IL1RAPL1: variants seen among roughly 807,000 people sequenced by gnomAD.
The protein encoded by IL1RAPL1 is interleukin 1 receptor accessory protein like 1, also known as interleukin-1 receptor accessory protein-like 1.
A neutral mutation model predicts 48.4 loss-of-function variants in IL1RAPL1; 3 were observed. The ratio of observed to expected loss-of-function variants is 0.06; its 90% CI spans 0.03 to 0.16. IL1RAPL1 has a LOEUF of 0.16. Ranked by LOEUF, IL1RAPL1 falls within the 10% of genes least tolerant of loss-of-function variation. The probability of loss-of-function intolerance (pLI) is 1.00; values close to 1 mark genes in which losing one functional copy is unlikely to be tolerated. For missense variants in IL1RAPL1, 349 were observed against 530.6 expected, an observed-to-expected ratio of 0.66 and a Z score of 3.36; for synonymous variants, 185 against 187.7, an observed-to-expected ratio of 0.99 and a Z score of 0.12.
intron 6 of IL1RAPL1, among the ~76,000 whole-genome samples, chrX:29,705,473 C>T (rs945996620): frequency 2.5e-4 from 28 of 112,432 alleles, no homozygotes; most frequent in Middle Eastern, 4.2e-3. Flanking sequence ...CCTTGGCCTC[C>T]CAAAGTGTTG....
chrX:29,581,927 AAG>A (rs1455462298), intron 5 of IL1RAPL1, among the ~76,000 whole-genome samples: 1 of 111,462 alleles, frequency 9.0e-6, no homozygotes, highest in Non-Finnish European at 1.9e-5. Context: ...TGATATTTTT[AAG>A]AGTTTCAAGC....
intron 3 of IL1RAPL1, among the ~76,000 whole-genome samples, chrX:29,334,034 C>T (rs972143537): frequency 1.1e-5 from 1 of 90,835 alleles, no homozygotes; most frequent in Non-Finnish European, 2.3e-5. Flanking sequence ...CTGATCCCCC[C>T]ACCTCCCTCC....
chrX:29,512,505 G>A (rs887489863), intron 5 of IL1RAPL1, among the ~76,000 whole-genome samples: 2 of 97,147 alleles, frequency 2.1e-5, no homozygotes, highest in African/African-American at 7.3e-5. Flanking sequence ...TCTATAATTT[G>A]TATGTCAAAT....
At chrX:29,324,473 G>C (rs1418944498) in intron 3 of IL1RAPL1, among the ~76,000 whole-genome samples, 1 of 111,630 alleles carries the variant, frequency 9.0e-6, no homozygotes, top group African/African-American at 3.3e-5. Flanking sequence ...TGTCTGTCCA[G>C]ATTCTTCTTG....
intron 6 of IL1RAPL1, among the ~76,000 whole-genome samples, chrX:29,887,294 G>C (rs1004349908): frequency 8.9e-6 from 1 of 112,189 alleles, no homozygotes; most frequent in Non-Finnish European, 1.9e-5. Flanking sequence ...TTGTTCAACT[G>C]TTTTGTATAG....
At chrX:29,653,922 T>C (rs1925594472) in intron 5 of IL1RAPL1, among the ~76,000 whole-genome samples, 1 of 106,828 alleles carries the variant, frequency 9.4e-6, no homozygotes, top group Admixed American at 1.0e-4. Flanking sequence ...ATTTATTTAT[T>C]TATTTATTTA....
chrX:28,715,711 T>C (rs1345493338), intron 1 of IL1RAPL1, among the ~76,000 whole-genome samples: 1 of 110,917 alleles, frequency 9.0e-6, no homozygotes, highest in Non-Finnish European at 1.9e-5. Context: ...TCAAAAAAAG[T>C]CCAGGACCAG....
chrX:29,073,525 TTTC>T (rs1169894410), intron 2 of IL1RAPL1, among the ~76,000 whole-genome samples: 1 of 111,640 alleles, frequency 9.0e-6, no homozygotes, highest in African/African-American at 3.3e-5. Context: ...CTAAGACTCT[TTTC>T]TTCTTATTAT....
At chrX:28,646,546 C>T (rs955753578) in intron 1 of IL1RAPL1, among the ~76,000 whole-genome samples, 2 of 112,257 alleles carry the variant, frequency 1.8e-5, no homozygotes, top group South Asian at 3.6e-4. Flanking sequence ...AAAAAAATTC[C>T]AGTTGTAGAT....
chrX:29,536,636 T>C (rs1003598583), intron 5 of IL1RAPL1, among the ~76,000 whole-genome samples: 1 of 111,280 alleles, frequency 9.0e-6, no homozygotes, highest in Non-Finnish European at 1.9e-5. Flanking sequence ...TTTTCTTAAA[T>C]AAATACTTTT....
At chrX:28,784,820 C>T (rs1936458917) in intron 1 of IL1RAPL1, among the ~76,000 whole-genome samples, 1 of 111,015 alleles carries the variant, frequency 9.0e-6, no homozygotes, top group African/African-American at 3.3e-5. Context: ...TAAAAGGAGT[C>T]TCAACTTCCC....
intron 2 of IL1RAPL1, among the ~76,000 whole-genome samples, chrX:29,130,105 G>A (rs908587865): frequency 4.5e-5 from 5 of 111,429 alleles, no homozygotes; most frequent in African/African-American, 1.6e-4. Flanking sequence ...GTATTCTTAC[G>A]AGGGATGATA....
At chrX:29,802,805 A>G (rs1470563461) in intron 6 of IL1RAPL1, among the ~76,000 whole-genome samples, 23 of 58,466 alleles carry the variant, frequency 3.9e-4, no homozygotes, top group African/African-American at 2.1e-3. Context: ...ATATATATAT[A>G]TATATGTGTG....
At chrX:28,809,693 A>G (rs781436653) in intron 2 of IL1RAPL1, among the ~76,000 whole-genome samples, 18 of 110,446 alleles carry the variant, frequency 1.6e-4, no homozygotes, top group Non-Finnish European at 3.1e-4. Context: ...CCCTTAGGTC[A>G]TGGTTTAGAG....
intron 1 of IL1RAPL1, among the ~76,000 whole-genome samples, chrX:28,776,852 C>T (rs1936367862): frequency 9.0e-6 from 1 of 111,558 alleles, no homozygotes; most frequent in African/African-American, 3.2e-5. Flanking sequence ...ATTAATAATG[C>T]TTATTACTTA....
rs756692604 is a variant in IL1RAPL1, at chrX:29,873,378, G to GCC, written c.779-44077_779-44076dup. Among the ~76,000 whole-genome samples the GCC allele has an allele frequency of 9.5e-3, 952 of 99,721 alleles. 40 individuals are homozygous for GCC. The highest frequency in any genetic ancestry group is 0.066 in the Admixed American group (590 of 8,946). 86.6% of individuals were successfully genotyped at this position (99,721 alleles called of 115,157 possible). A position where few individuals can be genotyped will look rare whatever the true frequency, so the allele number is the denominator to read the frequency against. On this transcript the variant is annotated intron_variant, in intron 6 of 10. Transcript: ENST00000378993. ...ATCCAGTGGTGCTGTGGATGTTTGT[G>GCC]CCCCCCCCCCAATTATATGTTGAAA...
chrX:28,698,492 A>G (rs956288238), intron 1 of IL1RAPL1, among the ~76,000 whole-genome samples: 7 of 111,787 alleles, frequency 6.3e-5, no homozygotes, highest in African/African-American at 1.9e-4. Context: ...CCTCAATAAT[A>G]TCGACTTTAA....
intron 2 of IL1RAPL1, among the ~76,000 whole-genome samples, chrX:28,863,632 A>T (rs960357400): frequency 2.7e-5 from 3 of 111,526 alleles, no homozygotes; most frequent in African/African-American, 9.8e-5. Context: ...TAAGGATTAC[A>T]TCTTGAATAT....
At chrX:29,664,907 G>T (rs765380369) in intron 5 of IL1RAPL1, among the ~76,000 whole-genome samples, 1 of 112,299 alleles carries the variant, frequency 8.9e-6, no homozygotes, top group East Asian at 2.8e-4. Flanking sequence ...TCCTTAAAAT[G>T]TTCCTTCTAT....
Sources: gnomAD v4.1 joint callset for allele counts (sites outside exome capture counted in the v4.1 genomes callset) on GRCh38, gnomAD v4.1.1 for gene constraint, MANE v1.5 for transcripts, NCBI Gene and HGNC (gene_info 2026-07-23, HGNC 2026-07-21) for gene names.